MICAL2: variants seen among roughly 807,000 people sequenced by gnomAD.
MICAL2 encodes [F-actin]-monooxygenase MICAL2.
Under a neutral mutation model 127.3 loss-of-function variants are expected in MICAL2, and 77 were observed. The observed-to-expected ratio is 0.60, with a 90% CI of 0.50 to 0.73. MICAL2 has a LOEUF of 0.73. Among genes scored for constraint, MICAL2 ranks in the 30% least tolerant of loss-of-function variants. MICAL2 has a pLI of 0.00. For missense variants in MICAL2, 1,351 were observed against 1,434.4 expected, an observed-to-expected ratio of 0.94 and a Z score of 0.94; for synonymous variants, 570 against 551.1, an observed-to-expected ratio of 1.03 and a Z score of -0.48.
chr11:12,244,213 G>T, intron 21 of MICAL2, 101 bp downstream of exon 21: 2 of 1,503,822 alleles, frequency 1.3e-6, no homozygotes, highest in Non-Finnish European at 1.8e-6. Flanking sequence ...TGGCTTGGCT[G>T]GAATAAAAAT....
chr11:12,169,252 C>G (rs1225739279), intron 3 of MICAL2, among the ~76,000 whole-genome samples: 2 of 151,640 alleles, frequency 1.3e-5, no homozygotes, highest in Non-Finnish European at 2.9e-5. Flanking sequence ...TACACTGGTT[C>G]TGAACTTTTT....
chr11:12,311,212 T>C (rs1590732651), intron 29 of MICAL2, among the ~76,000 whole-genome samples: 1 of 152,280 alleles, frequency 6.6e-6, no homozygotes, highest in East Asian at 1.9e-4. Context: ...TAGGACTATT[T>C]AGATATTTGA....
intron 30 of MICAL2, among the ~76,000 whole-genome samples, chr11:12,321,250 A>G (rs1864291594): frequency 6.6e-6 from 1 of 152,160 alleles, no homozygotes; most frequent in African/African-American, 2.4e-5. Context: ...CACTAAGGGA[A>G]GCTGGCAAGA....
chr11:12,236,220 G>T lies in MICAL2; in HGVS notation c.2039G>T (p.Arg680Leu). 2 of 1,614,206 alleles carry T rather than the reference G, an allele frequency of 1.2e-6. No homozygotes were observed. The highest frequency in any genetic ancestry group is 8.5e-7 in the Non-Finnish European group (1 of 1,180,032). Residue 680 changes from arginine to leucine, a missense_variant, in exon 16 of 28, where the codon CGG becomes CTG. This residue lies in a region of MICAL2 where 752 missense variants were observed against 719.4 expected (regional missense o/e 1.05). Transcript: ENST00000683283. ...GAGAATGACATGAACAAACGGAGACGGAAGGGCTTCACCAACCTGGACGAG... is the reference window on the plus strand; with the variant it reads ...GAGAATGACATGAACAAACGGAGACTGAAGGGCTTCACCAACCTGGACGAG... ...TGENDMNKRR[R>L]KGFTNLDEPS...
intron 23 of MICAL2, 25 bp from the exon 24 acceptor site, chr11:12,256,760 C>A: frequency 1.9e-6 from 3 of 1,585,126 alleles, no homozygotes; most frequent in Non-Finnish European, 2.6e-6. Flanking sequence ...CCATAATACA[C>A]CCACTCTTCT....
At chr11:12,138,860 G>A (rs1017115185) in intron 2 of MICAL2, among the ~76,000 whole-genome samples, 2 of 152,128 alleles carry the variant, frequency 1.3e-5, no homozygotes, top group Non-Finnish European at 2.9e-5. Flanking sequence ...GGTCCACAAA[G>A]CTTCATCACA....
At chr11:12,219,599 T>C (rs1429978769) in intron 8 of MICAL2, among the ~76,000 whole-genome samples, 1 of 149,420 alleles carries the variant, frequency 6.7e-6, no homozygotes, top group Non-Finnish European at 1.5e-5. Context: ...AAGGGGTCAC[T>C]GATTTTGGAA....
intron 32 of MICAL2, among the ~76,000 whole-genome samples, chr11:12,348,312 T>C (rs1938989472): frequency 6.6e-6 from 1 of 152,166 alleles, no homozygotes; most frequent in Admixed American, 6.5e-5. Flanking sequence ...GTGCAGCAAA[T>C]TTGTGTTTTT....
intron 3 of MICAL2, among the ~76,000 whole-genome samples, chr11:12,201,184 A>G (rs958995760): frequency 4.6e-5 from 7 of 151,968 alleles, no homozygotes; most frequent in Admixed American, 3.9e-4. Flanking sequence ...GGGCTTGCAC[A>G]CCCACTCACT....
At chr11:12,316,676 C>A (rs1039236502) in intron 29 of MICAL2, among the ~76,000 whole-genome samples, 1 of 151,928 alleles carries the variant, frequency 6.6e-6, no homozygotes, top group Admixed American at 6.6e-5. Context: ...CAGACTTGTC[C>A]TGCTTTTTTA....
chr11:12,310,838 C>T (rs1014504380), intron 29 of MICAL2, among the ~76,000 whole-genome samples: 4 of 151,986 alleles, frequency 2.6e-5, no homozygotes, highest in African/African-American at 9.7e-5. Context: ...GTGTCTTCTT[C>T]AATTTCTTTC....
At chr11:12,208,309 A>C in intron 5 of MICAL2, 170 bp downstream of exon 5, 1 of 567,288 alleles carries the variant, frequency 1.8e-6, no homozygotes, top group Non-Finnish European at 3.1e-6. Context: ...CTATGACTTT[A>C]GGTTTGCTGT....
chr11:12,222,773 T>C (rs1225751835), intron 11 of MICAL2, 30 bp downstream of exon 11: 2 of 1,613,744 alleles, frequency 1.2e-6, no homozygotes, highest in Non-Finnish European at 8.5e-7. Flanking sequence ...TCTGTCTGAA[T>C]CACTCTGCAC....
intron 3 of MICAL2, 84 bp from the exon 4 acceptor site, chr11:12,204,166 C>A: frequency 1.5e-6 from 2 of 1,320,788 alleles, no homozygotes; most frequent in Non-Finnish European, 2.2e-6. Flanking sequence ...GTGGGATTTG[C>A]GCTTCAGTTT....
Position 12,160,178 on chromosome 11 carries a change from G to A in MICAL2, c.-77-1901G>A, listed in dbSNP as rs143106910. On this transcript the variant is annotated intron_variant, in intron 2 of 27. Transcript: ENST00000683283. Reference sequence around the variant, plus strand: ...AGGGATCCTGTCACCCCCAAGTCTGGGCATCCAGTGTCTGAGACCTCGCCA... The same window carrying A: ...AGGGATCCTGTCACCCCCAAGTCTGAGCATCCAGTGTCTGAGACCTCGCCA... Among the ~76,000 whole-genome samples, 8 of 152,194 alleles carry A rather than the reference G, an allele frequency of 5.3e-5. No individual in the cohort carries two copies. The East Asian group carries it at 1.4e-3, about 26-fold the overall frequency.
intron 32 of MICAL2, among the ~76,000 whole-genome samples, chr11:12,349,666 G>A (rs939320433): frequency 3.3e-5 from 5 of 152,170 alleles, no homozygotes; most frequent in Non-Finnish European, 5.9e-5. Flanking sequence ...GCATGCACAG[G>A]TGGGTTTTAT....
At chr11:12,178,271 A>G (rs1857054042) in intron 3 of MICAL2, among the ~76,000 whole-genome samples, 1 of 151,876 alleles carries the variant, frequency 6.6e-6, no homozygotes, top group East Asian at 1.9e-4. Context: ...AACAAAGAAC[A>G]AAAAAACCCC....
chr11:12,113,875 A>G (rs563381036), intron 1 of MICAL2, among the ~76,000 whole-genome samples: 2 of 152,120 alleles, frequency 1.3e-5, no homozygotes, highest in Admixed American at 1.3e-4. Context: ...CTCACCCTAT[A>G]TTGTAATTAT....
intron 3 of MICAL2, among the ~76,000 whole-genome samples, chr11:12,203,506 G>A (rs12575647): frequency 0.17 from 25,367 of 152,142 alleles, 3,771 homozygotes; most frequent in East Asian, 0.43. Context: ...TTCCCTGAAG[G>A]CAAATGGGGT....
Sources: allele counts gnomAD v4.1 joint callset (sites outside exome capture counted in the v4.1 genomes callset), GRCh38; gene constraint gnomAD v4.1.1; regional missense constraint gnomAD v4.1.1; transcripts MANE v1.5; gene names NCBI Gene and HGNC (gene_info 2026-07-23, HGNC 2026-07-21).